Variants in HSPA12A observed in about 807,000 individuals in gnomAD.
HSPA12A encodes the protein heat shock 70 kDa protein 12A.
Under a neutral mutation model 69.2 loss-of-function variants are expected in HSPA12A, and 28 were observed. The observed-to-expected ratio is 0.40, with a 90% confidence interval of 0.30 to 0.55. The LOEUF (loss-of-function observed/expected upper bound fraction) is 0.55, where lower values mean the gene tolerates loss of function less well. Among genes scored for constraint, HSPA12A ranks in the 20% least tolerant of loss-of-function variants. The pLI, the probability that HSPA12A is intolerant of heterozygous loss-of-function variation, is 0.38. For missense variants in HSPA12A, 686 were observed against 900.7 expected (o/e 0.76, Z 3.05); for synonymous variants, 345 against 370.5 (o/e 0.93, Z 0.79).
At chr10:116,750,072 CAG>C in intron 2 of HSPA12A, 1 of 369,382 alleles carries the variant, frequency 2.7e-6, no homozygotes, top group Non-Finnish European at 5.0e-6. Flanking sequence ...ATAACTAACA[CAG>C]AGAGTGTTTG....
At chr10:116,676,668 G>A (rs1554877771) in intron 10 of HSPA12A, among the ~76,000 whole-genome samples, 166 bp from the exon 11 acceptor site, 1 of 152,160 alleles carries the variant, frequency 6.6e-6, no homozygotes, top group Non-Finnish European at 1.5e-5. Flanking sequence ...CCAGGACCTG[G>A]ACCCTTAGAA....
At position 116,723,871 on chromosome 10, in the gene HSPA12A, C is replaced by T. The variant is rs1480530981; in HGVS notation, c.41-16586G>A. ...TTCCAGGCCCATCTACCATCTTGCC[C>T]GATGCCCACCTGAGGGCCCCTGACC... On this transcript the variant is annotated intron_variant, in intron 1 of 11. Transcript: ENST00000369209. This position sits in a 1 kb window ranked among gnomAD's most constrained non-coding sequence, Gnocchi z 4.1. Among the ~76,000 whole-genome samples, 1 of 152,190 alleles carries T rather than the reference C, an allele frequency of 6.6e-6. No individual in the cohort carries two copies. The highest frequency in any genetic ancestry group is 1.5e-5 in the Non-Finnish European group (1 of 68,036).
intron 2 of HSPA12A, among the ~76,000 whole-genome samples, chr10:116,805,403 A>G (rs956613046): frequency 2.0e-5 from 3 of 152,008 alleles, no homozygotes; most frequent in Admixed American, 6.6e-5. Context: ...TTCCTAGATC[A>G]TTTTTTACTG....
chr10:116,846,591 G>A (rs544701170), intron 1 of HSPA12A, among the ~76,000 whole-genome samples: 33 of 152,082 alleles, frequency 2.2e-4, no homozygotes, highest in African/African-American at 7.2e-4. Context: ...CTCGTGATCC[G>A]CCCGCCTCGG....
chr10:116,696,529 T>C (rs554655193), intron 5 of HSPA12A, among the ~76,000 whole-genome samples: 32 of 152,158 alleles, frequency 2.1e-4, no homozygotes, highest in Non-Finnish European at 3.8e-4. Context: ...TCCCCAGCCA[T>C]GTGGAACTGT....
At chr10:116,752,453 T>C (rs1554888454) in intron 2 of HSPA12A, among the ~76,000 whole-genome samples, 1 of 152,178 alleles carries the variant, frequency 6.6e-6, no homozygotes, top group Non-Finnish European at 1.5e-5. Flanking sequence ...CCGTCAATCA[T>C]TCTCTCCTTC....
intron 2 of HSPA12A, among the ~76,000 whole-genome samples, chr10:116,782,439 G>A (rs782200975): frequency 3.3e-5 from 5 of 152,302 alleles, no homozygotes; most frequent in Middle Eastern, 3.4e-3. Context: ...AACCAAAATC[G>A]GGAGAGGGAG....
chr10:116,814,958 G>A (rs985831474), intron 2 of HSPA12A, among the ~76,000 whole-genome samples: 1 of 152,194 alleles, frequency 6.6e-6, no homozygotes, highest in South Asian at 2.1e-4. Context: ...AGAGCAGACA[G>A]CAAAGGGGCA....
At chr10:116,848,382 T>C (rs745635178) in intron 1 of HSPA12A, among the ~76,000 whole-genome samples, 1 of 152,252 alleles carries the variant, frequency 6.6e-6, no homozygotes, top group Non-Finnish European at 1.5e-5. Flanking sequence ...TCTGCACCCA[T>C]ACGTGCATGT....
chr10:116,831,513 G>A (rs557126748), intron 2 of HSPA12A: 21 of 152,286 alleles, frequency 1.4e-4, no homozygotes, highest in East Asian at 5.8e-4. Context: ...GCCAGATCTC[G>A]AAGGGCCACC....
intron 10 of HSPA12A, among the ~76,000 whole-genome samples, chr10:116,678,589 A>G (rs1351427114): frequency 1.3e-5 from 2 of 150,592 alleles, no homozygotes; most frequent in African/African-American, 4.9e-5. Context: ...ACAAAGTGAA[A>G]AAAAAAAAAA....
At chr10:116,712,815 T>G (rs1261727998) in intron 1 of HSPA12A, among the ~76,000 whole-genome samples, 1 of 151,694 alleles carries the variant, frequency 6.6e-6, no homozygotes, top group Non-Finnish European at 1.5e-5. Context: ...TTCTACAAGG[T>G]TCTAGGCTCC....
intron 1 of HSPA12A, among the ~76,000 whole-genome samples, chr10:116,722,114 C>T (rs1850801194): frequency 6.6e-6 from 1 of 152,262 alleles, no homozygotes; most frequent in African/African-American, 2.4e-5. Context: ...GGCCTGCCTG[C>T]TTCATTAGGC....
intron 2 of HSPA12A, among the ~76,000 whole-genome samples, chr10:116,810,494 C>T (rs776075487): frequency 1.3e-5 from 2 of 152,170 alleles, no homozygotes; most frequent in African/African-American, 2.4e-5. Context: ...ATCTCTTGCA[C>T]TTATATATAC....
chr10:116,727,608 T>C (rs1851010717), intron 1 of HSPA12A, among the ~76,000 whole-genome samples: 1 of 152,220 alleles, frequency 6.6e-6, no homozygotes, highest in African/African-American at 2.4e-5. Flanking sequence ...GATAGACATT[T>C]AGTAGAAACC....
chr10:116,676,447 T>C lies in HSPA12A; in HGVS notation c.1342A>G (p.Met448Val), dbSNP rs1396122563. 1 of 1,613,962 alleles carries C rather than the reference T, an allele frequency of 6.2e-7. No individual in the cohort carries two copies. The stretch of plus-strand genomic sequence containing the variant: ...ATGGTCGGCTTAAAAAGGGCGTTCA[T>C]GGCATCTGGACTCATCCGCAGCATC... ...QGMLRMSPDA[M>V]NALFKPTIDS... The change falls in exon 11 of 12, where the codon ATG (methionine) becomes GTG (valine). Residue 448 changes from methionine to valine, a missense_variant. Physicochemically the swap from Met to Val is conservative, Grantham distance 21. Transcript: ENST00000369209.
chr10:116,742,300 A>C, intron 1 of HSPA12A, 130 bp downstream of exon 1: 2 of 969,506 alleles, frequency 2.1e-6, no homozygotes, highest in Non-Finnish European at 2.7e-6. Context: ...CCCGCCCGCC[A>C]GAACTGGATG....
chr10:116,681,154 G>A lies in HSPA12A; in HGVS notation c.1025C>T (p.Thr342Ile). 1.2e-6 allele frequency: 2 copies of A among 1,611,356 alleles called. No homozygotes were observed. The highest frequency in any genetic ancestry group is 1.7e-6 in the Non-Finnish European group (2 of 1,177,494). The change falls in exon 9 of 12, where the codon ACA becomes ATA. Residue 342 changes from threonine to isoleucine, a missense_variant and splice_region_variant. Physicochemically the swap from Thr to Ile is moderately conservative, Grantham distance 89. Transcript: ENST00000369209. ...AAATTAGCCCTGCAGGGCCTCACCT[G>A]TTGCTTTATACAGTTCCTTAAGGTG... Reference protein sequence around the residue: ...EGHLKELYKATGGPYGSLGVD... With the variant: ...EGHLKELYKAIGGPYGSLGVD...
chr10:116,818,975 A>G (rs985704811), intron 2 of HSPA12A, among the ~76,000 whole-genome samples: 1 of 148,946 alleles, frequency 6.7e-6, no homozygotes, highest in Non-Finnish European at 1.5e-5. Flanking sequence ...AGCCCCTGTC[A>G]CTCTCTCTCG....
Sources: gnomAD v4.1 joint callset for allele counts (sites outside exome capture counted in the v4.1 genomes callset) on GRCh38, gnomAD v4.1.1 for gene constraint, Gnocchi (gnomAD v3.1) non-coding constraint, MANE v1.5 for transcripts, NCBI Gene and HGNC (gene_info 2026-07-23, HGNC 2026-07-21) for gene names.